The following NELL1 variants were observed in gnomAD, a reference collection of about 807,000 sequenced individuals.
NELL1 encodes neural EGFL like 1.
In NELL1, 76 loss-of-function variants were observed where a neutral mutation model predicts 107.4. The observed-to-expected ratio is 0.71, with a 90% CI of 0.59 to 0.86. The LOEUF (loss-of-function observed/expected upper bound fraction) is 0.86, where lower values mean the gene tolerates loss of function less well. Among genes scored for constraint, NELL1 ranks in the 40% least tolerant of loss-of-function variants. The pLI is 0.00. For missense variants in NELL1, 1,024 were observed against 1,005.5 expected (o/e 1.02, Z -0.25); for synonymous variants, 353 against 341.2 (o/e 1.03, Z -0.38).
intron 5 of NELL1, among the ~76,000 whole-genome samples, chr11:20,890,781 C>G (rs903435078): frequency 2.0e-5 from 3 of 151,648 alleles, no homozygotes; most frequent in Non-Finnish European, 2.9e-5. Context: ...GACCACCTTA[C>G]TGAAAAAAGA....
intron 4 of NELL1, among the ~76,000 whole-genome samples, chr11:20,879,480 G>A (rs1590374040): frequency 6.6e-6 from 1 of 152,140 alleles, no homozygotes; most frequent in East Asian, 1.9e-4. Flanking sequence ...CCAATTAAAT[G>A]TCCCAAATTG....
intron 13 of NELL1, among the ~76,000 whole-genome samples, chr11:21,152,645 CTT>C (rs1856144995): frequency 1.3e-5 from 2 of 152,086 alleles, no homozygotes; most frequent in African/African-American, 2.4e-5. Context: ...ATACTCAGCT[CTT>C]GTCTCTGCAA....
chr11:20,960,307 C>T (rs775168560), intron 11 of NELL1, 125 bp from the exon 12 acceptor site: 12 of 975,246 alleles, frequency 1.2e-5, no homozygotes, highest in Admixed American at 2.5e-5. Context: ...CCAGTTTATC[C>T]GTGCATACTG....
At chr11:20,736,936 A>G (rs2133929088) in intron 2 of NELL1, among the ~76,000 whole-genome samples, 1 of 151,734 alleles carries the variant, frequency 6.6e-6, no homozygotes, top group East Asian at 2.0e-4. Flanking sequence ...TGTGTTTTTT[A>G]TAGATACGGG....
intron 3 of NELL1, among the ~76,000 whole-genome samples, chr11:20,833,440 T>C (rs1362404642): frequency 6.6e-6 from 1 of 152,186 alleles, no homozygotes; most frequent in Non-Finnish European, 1.5e-5. Flanking sequence ...TGTAATTTGT[T>C]ACTGTTACTA....
rs550471496 is a variant in NELL1, at chr11:20,878,925, G to C, written c.507-6519G>C. On this transcript the variant is annotated intron_variant, in intron 4 of 19. Transcript: ENST00000357134. ...ATCTTAAGGTGCTTACAGTGTGCTG[G>C]GTAAAACAAGCTAAGTGATGGAGAC... 2.3e-3 allele frequency among the ~76,000 whole-genome samples: 350 copies of C among 152,224 alleles called. 1 individual carries two copies. Among genetic ancestry groups the C allele is most frequent in the Non-Finnish European group, 4.2e-3 (284 of 68,008 alleles).
chr11:20,682,591 AATTAT>A lies in NELL1; in HGVS notation c.184+4538_184+4542del, dbSNP rs200747531. 5.2e-3 allele frequency among the ~76,000 whole-genome samples: 790 copies of A among 152,212 alleles called. 8 individuals are homozygous for A. Among genetic ancestry groups the A allele is most frequent in the African/African-American group, 0.017 (720 of 41,572 alleles). On this transcript the variant is annotated intron_variant, in intron 2 of 19. Coordinates refer to ENST00000357134, the MANE Select transcript of NELL1 (RefSeq NM_006157.5). ...AAATTAAACAGGTTTATTGAGGTATAATTATATTATAATAAACTGTGTATTCAAAA... is the reference window on the plus strand; with the variant it reads ...AAATTAAACAGGTTTATTGAGGTATAATTATAATAAACTGTGTATTCAAAA...
At chr11:21,010,864 T>C (rs1257617034) in intron 12 of NELL1, among the ~76,000 whole-genome samples, 6 of 152,256 alleles carry the variant, frequency 3.9e-5, no homozygotes, top group Admixed American at 3.9e-4. Flanking sequence ...CCTTGTAAAG[T>C]ACTGTTCTAC....
chr11:20,967,192 A>G (rs1446326991), intron 12 of NELL1, among the ~76,000 whole-genome samples: 3 of 152,284 alleles, frequency 2.0e-5, no homozygotes, highest in Non-Finnish European at 4.4e-5. Flanking sequence ...AGCCCAGGGC[A>G]TAGGTATTTA....
At chr11:21,569,899 A>C (rs1857059524) in intron 17 of NELL1, among the ~76,000 whole-genome samples, 1 of 151,772 alleles carries the variant, frequency 6.6e-6, no homozygotes, top group African/African-American at 2.4e-5. Flanking sequence ...TGGTTTTTTA[A>C]AATATTCAGC....
chr11:21,368,355 GTT>G (rs139485232), intron 14 of NELL1, among the ~76,000 whole-genome samples: 1 of 118,846 alleles, frequency 8.4e-6, no homozygotes, highest in South Asian at 2.8e-4. Context: ...TTAGGCATTG[GTT>G]TTTTTTTTTT....
At chr11:20,751,332 T>C (rs1368052335) in intron 2 of NELL1, among the ~76,000 whole-genome samples, 1 of 152,250 alleles carries the variant, frequency 6.6e-6, no homozygotes, top group Non-Finnish European at 1.5e-5. Flanking sequence ...ATCTTAAAAA[T>C]ATTTTTAATA....
intron 4 of NELL1, among the ~76,000 whole-genome samples, chr11:20,850,413 A>T (rs1848774946): frequency 6.6e-6 from 1 of 152,220 alleles, no homozygotes; most frequent in South Asian, 2.1e-4. Context: ...TTTGATGTTG[A>T]TTGTGCTAGG....
chr11:21,507,358 C>T (rs1022547646), intron 15 of NELL1, among the ~76,000 whole-genome samples: 2 of 152,192 alleles, frequency 1.3e-5, no homozygotes, highest in Non-Finnish European at 2.9e-5. Context: ...TTGGCAGCAA[C>T]AAAAGCTTAT....
intron 12 of NELL1, among the ~76,000 whole-genome samples, chr11:21,036,235 T>TG (rs1565026538): frequency 6.6e-6 from 1 of 152,018 alleles, no homozygotes; most frequent in Non-Finnish European, 1.5e-5. Flanking sequence ...AAATCAAAGA[T>TG]GACATAAACA....
chr11:20,886,798 G>A (rs150052911), intron 5 of NELL1, among the ~76,000 whole-genome samples: 3,441 of 152,168 alleles, frequency 0.023, 133 homozygotes, highest in African/African-American at 0.078. Context: ...AAACCTGCAC[G>A]TTGTGCACAT....
At chr11:21,169,094 T>C (rs541669375) in intron 13 of NELL1, among the ~76,000 whole-genome samples, 15 of 151,912 alleles carry the variant, frequency 9.9e-5, no homozygotes, top group Non-Finnish European at 2.1e-4. Context: ...AGTCTACCCA[T>C]CATTCCAAAT....
intron 12 of NELL1, among the ~76,000 whole-genome samples, chr11:21,062,281 A>G (rs1056297096): frequency 6.6e-6 from 1 of 152,214 alleles, no homozygotes; most frequent in African/African-American, 2.4e-5. Flanking sequence ...TATAATGAAC[A>G]TTAGCTTTAC....
At chr11:21,545,911 G>A (rs889255202) in intron 16 of NELL1, among the ~76,000 whole-genome samples, 1 of 151,858 alleles carries the variant, frequency 6.6e-6, no homozygotes, top group African/African-American at 2.4e-5. Context: ...CAGCTCTGTG[G>A]GTAAGGGCCT....
Sources: gnomAD v4.1 joint callset for allele counts (sites outside exome capture counted in the v4.1 genomes callset) on GRCh38, gnomAD v4.1.1 for gene constraint, MANE v1.5 for transcripts, NCBI Gene and HGNC (gene_info 2026-07-23, HGNC 2026-07-21) for gene names.